The following FBXW7 variants were observed in gnomAD, a reference collection of about 807,000 sequenced individuals.
FBXW7 encodes the protein F-box and WD repeat domain containing 7.
Under a neutral mutation model 86.3 loss-of-function variants are expected in FBXW7, and 11 were observed. That is an observed-to-expected ratio of 0.13 (90% CI 0.08 to 0.21). The LOEUF (loss-of-function observed/expected upper bound fraction) is 0.21, where lower values mean the gene tolerates loss of function less well. FBXW7 is among the 10% of genes least tolerant of loss of function. The pLI, the probability that FBXW7 is intolerant of heterozygous loss-of-function variation, is 1.00. For missense variants in FBXW7, 488 were observed against 847.4 expected, an observed-to-expected ratio of 0.58 and a Z score of 5.27; for synonymous variants, 313 against 297.9, an observed-to-expected ratio of 1.05 and a Z score of -0.52.
At chr4:152,356,496 TTTATTA>T (rs1212724634) in intron 4 of FBXW7, among the ~76,000 whole-genome samples, 5 of 152,154 alleles carry the variant, frequency 3.3e-5, no homozygotes, top group Admixed American at 6.6e-5. Flanking sequence ...TGTCAGTGAT[TTTATTA>T]TTATCATGAC....
chr4:152,326,293 T>C (rs1439383968), intron 11 of FBXW7, 62 bp from the exon 12 acceptor site: 3 of 1,295,742 alleles, frequency 2.3e-6, no homozygotes, highest in Admixed American at 2.1e-5. Flanking sequence ...GAATTTTTAA[T>C]AATATGAGAA....
At chr4:152,385,490 G>A (rs1039761953) in intron 4 of FBXW7, among the ~76,000 whole-genome samples, 1 of 151,766 alleles carries the variant, frequency 6.6e-6, no homozygotes, top group Non-Finnish European at 1.5e-5. Flanking sequence ...ATCCTAACGG[G>A]GGGAAAAAAG....
chr4:152,328,342 T>C lies in FBXW7; in HGVS notation c.1284A>G (p.Gln428=), dbSNP rs763536877. The part of the protein sequence containing the change: ...VGHTGGVWSS[Q]MRDNIIISGS... ...CACTAATGATGATGTTGTCTCTCAT[T>C]TGTGATGACCATACTCCACCTGTAT... The change falls in exon 11 of 14, where the codon CAA becomes CAG. Residue 428 remains glutamine (Q), a synonymous_variant. Coordinates refer to ENST00000281708, the MANE Select transcript of FBXW7 (RefSeq NM_001349798.2). 7.6e-6 allele frequency: 12 copies of C among 1,588,468 alleles called. No individual in the cohort carries two copies. Among genetic ancestry groups the C allele is most frequent in the Admixed American group, 3.6e-5 (2 of 55,640 alleles).
chr4:152,323,670 G>A (rs1184028659), intron 13 of FBXW7: 9 of 168,270 alleles, frequency 5.3e-5, no homozygotes, highest in Admixed American at 5.0e-4. Flanking sequence ...TAATCATGAG[G>A]CACTGCTGTA....
intron 2 of FBXW7, among the ~76,000 whole-genome samples, chr4:152,433,048 G>A (rs759050830): frequency 1.3e-5 from 2 of 151,950 alleles, no homozygotes; most frequent in African/African-American, 4.8e-5. Flanking sequence ...TCGTGTTGTC[G>A]CATGTATCAG....
rs1268087103 is a variant in FBXW7, at chr4:152,411,812, G to A, written c.-9C>T. 1.3e-6 allele frequency: 2 copies of A among 1,595,718 alleles called. No homozygotes were observed. Among genetic ancestry groups the A allele is most frequent in the African/African-American group, 2.7e-5 (2 of 74,240 alleles). ...AGCAGTTCCTGATTCATTTCCAAAA[G>A]CCAGCTTGCTACTTCTTGGACCTTG... On this transcript the variant is annotated 5_prime_UTR_variant, in exon 4 of 14. Transcript: ENST00000281708.
At chr4:152,396,694 C>T (rs1045007712) in intron 4 of FBXW7, among the ~76,000 whole-genome samples, 1 of 152,066 alleles carries the variant, frequency 6.6e-6, no homozygotes, top group African/African-American at 2.4e-5. Flanking sequence ...AACAATAACT[C>T]ATTTCATTAC....
chr4:152,528,083 G>A (rs1026144565), intron 2 of FBXW7, among the ~76,000 whole-genome samples: 3 of 152,098 alleles, frequency 2.0e-5, no homozygotes, highest in Non-Finnish European at 2.9e-5. Flanking sequence ...AAAATATTTT[G>A]TAGTCTTTTA....
At chr4:152,501,926 T>C (rs185349902) in intron 2 of FBXW7, among the ~76,000 whole-genome samples, 87 of 152,284 alleles carry the variant, frequency 5.7e-4, no homozygotes, top group Middle Eastern at 3.4e-3. Flanking sequence ...TGAAAAATGT[T>C]TGAAATTTTT....
chr4:152,495,779 G>A (rs1746280938), intron 2 of FBXW7, among the ~76,000 whole-genome samples: 1 of 152,056 alleles, frequency 6.6e-6, no homozygotes, highest in South Asian at 2.1e-4. Flanking sequence ...GTCAATAACA[G>A]AAGAAAAATA....
intron 2 of FBXW7, among the ~76,000 whole-genome samples, chr4:152,464,444 G>C (rs1051073663): frequency 6.6e-6 from 1 of 152,132 alleles, no homozygotes; most frequent in Admixed American, 6.5e-5. Context: ...AATGAAAAAG[G>C]AATAAGAGAA....
intron 4 of FBXW7, among the ~76,000 whole-genome samples, chr4:152,390,027 T>A (rs1006323181): frequency 6.6e-5 from 10 of 151,976 alleles, no homozygotes; most frequent in South Asian, 6.2e-4. Context: ...TTTAAAAAAA[T>A]TTTTAAAAGA....
intron 2 of FBXW7, among the ~76,000 whole-genome samples, chr4:152,533,558 G>C (rs926542452): frequency 1.6e-4 from 24 of 152,160 alleles, no homozygotes; most frequent in African/African-American, 5.1e-4. Flanking sequence ...TCCAGAGGAG[G>C]GAAAAGTGGT....
chr4:152,531,228 G>A (rs577896571), intron 2 of FBXW7, among the ~76,000 whole-genome samples: 6 of 152,252 alleles, frequency 3.9e-5, no homozygotes, highest in South Asian at 2.1e-4. Flanking sequence ...ACATGGCTTC[G>A]ACTGCACAAA....
At chr4:152,499,867 C>G (rs756227739) in intron 2 of FBXW7, among the ~76,000 whole-genome samples, 1 of 152,026 alleles carries the variant, frequency 6.6e-6, no homozygotes, top group Non-Finnish European at 1.5e-5. Flanking sequence ...TAATAGGCTT[C>G]CTCTCTATTT....
intron 2 of FBXW7, among the ~76,000 whole-genome samples, chr4:152,522,274 G>A (rs1749095978): frequency 6.6e-6 from 1 of 151,996 alleles, no homozygotes; most frequent in African/African-American, 2.4e-5. Flanking sequence ...AATTAAATTA[G>A]TAAAATTCAT....
At chr4:152,374,277 T>C (rs1238857786) in intron 4 of FBXW7, among the ~76,000 whole-genome samples, 2 of 152,030 alleles carry the variant, frequency 1.3e-5, no homozygotes, top group African/African-American at 2.4e-5. Context: ...TTTTTCTCTA[T>C]TTCAGCATTT....
At chr4:152,518,970 A>C (rs1198145908) in intron 2 of FBXW7, among the ~76,000 whole-genome samples, 1 of 152,178 alleles carries the variant, frequency 6.6e-6, no homozygotes, top group Non-Finnish European at 1.5e-5. Flanking sequence ...TTAAATTACA[A>C]ACACCAAATC....
intron 2 of FBXW7, among the ~76,000 whole-genome samples, chr4:152,517,538 TC>T (rs926450133): frequency 6.2e-4 from 95 of 152,082 alleles, no homozygotes; most frequent in African/African-American, 2.1e-3. Context: ...AAGATTAAGG[TC>T]CCAGGCTCTA....
Sources: allele counts gnomAD v4.1 joint callset (sites outside exome capture counted in the v4.1 genomes callset), GRCh38; gene constraint gnomAD v4.1.1; transcripts MANE v1.5; gene names NCBI Gene and HGNC (gene_info 2026-07-23, HGNC 2026-07-21).